MFHAS1: variants seen among roughly 807,000 people sequenced by gnomAD.
MFHAS1 encodes multifunctional ROCO family signaling regulator 1, also known as malignant fibrous histiocytoma-amplified sequence 1.
Under a neutral mutation model 70.4 loss-of-function variants are expected in MFHAS1, and 50 were observed. The observed-to-expected ratio is 0.71, with a 90% CI of 0.57 to 0.90. The LOEUF (loss-of-function observed/expected upper bound fraction) is 0.90. Ranked by LOEUF, MFHAS1 falls within the 40% of genes least tolerant of loss-of-function variation. The probability of loss-of-function intolerance (pLI) is 0.00; values close to 1 mark genes in which losing one functional copy is unlikely to be tolerated. For synonymous variants in MFHAS1, 952 were observed against 620.0 expected, an observed-to-expected ratio of 1.54 and a Z score of -7.96; for missense variants, 1,795 against 1,347.6, an observed-to-expected ratio of 1.33 and a Z score of -5.20.
At chr8:8,867,521 G>A (rs758724010) in intron 1 of MFHAS1, among the ~76,000 whole-genome samples, 4 of 151,172 alleles carry the variant, frequency 2.6e-5, no homozygotes, top group Admixed American at 6.6e-5. Flanking sequence ...ATTATTACAC[G>A]CCAATAAGCT....
chr8:8,789,679 C>A (rs1328678384), intron 2 of MFHAS1, among the ~76,000 whole-genome samples: 1 of 152,126 alleles, frequency 6.6e-6, no homozygotes. Context: ...AGGGACTGCC[C>A]CTCCTAGGAT....
At chr8:8,825,783 C>T (rs117689058) in intron 1 of MFHAS1, among the ~76,000 whole-genome samples, 1,670 of 152,264 alleles carry the variant, frequency 0.011, 35 homozygotes, top group Admixed American at 0.058. Flanking sequence ...AGAGGGAACA[C>T]AATTCAGCCA....
chr8:8,871,736 C>A (rs1303664902), intron 1 of MFHAS1, among the ~76,000 whole-genome samples: 1 of 152,222 alleles, frequency 6.6e-6, no homozygotes, highest in Non-Finnish European at 1.5e-5. Context: ...CCCCCGACTT[C>A]CTAATCCACT....
At chr8:8,876,999 A>C (rs535926918) in intron 1 of MFHAS1, among the ~76,000 whole-genome samples, 39 of 152,042 alleles carry the variant, frequency 2.6e-4, no homozygotes, top group South Asian at 1.2e-3. Flanking sequence ...AATGAAGTGC[A>C]TAAGACATGG....
At position 8,833,803 on chromosome 8, in the gene MFHAS1, T is replaced by C. The variant is rs147296632; in HGVS notation, c.2999-36312A>G. On this transcript the variant is annotated intron_variant, in intron 1 of 2. Transcript: ENST00000276282. ...CAAAAAAATGAGAAGAACCCAAATG[T>C]CCCATCAAATGAATGAACATACTGC... Among the ~76,000 whole-genome samples, 163 of 152,114 alleles carry C rather than the reference T, an allele frequency of 1.1e-3. 1 individual carries two copies. The highest frequency in any genetic ancestry group is 9.7e-3 in the East Asian group (50 of 5,178).
chr8:8,833,310 C>G (rs776515744), intron 1 of MFHAS1, among the ~76,000 whole-genome samples: 2 of 152,160 alleles, frequency 1.3e-5, no homozygotes, highest in Non-Finnish European at 1.5e-5. Flanking sequence ...TACAAACACT[C>G]TGGAAAAATT....
intron 1 of MFHAS1, among the ~76,000 whole-genome samples, chr8:8,862,280 AATG>A (rs1475002662): frequency 2.0e-5 from 3 of 152,118 alleles, no homozygotes; most frequent in Non-Finnish European, 4.4e-5. Context: ...TCTAATGATT[AATG>A]ATGTTGACAT....
chr8:8,887,144 C>A (rs113508829), intron 1 of MFHAS1, among the ~76,000 whole-genome samples: 35 of 151,894 alleles, frequency 2.3e-4, no homozygotes, highest in African/African-American at 8.2e-4. Flanking sequence ...AACAAACAAA[C>A]AAAAAAACAT....
chr8:8,801,033 G>C (rs1327640370), intron 1 of MFHAS1, among the ~76,000 whole-genome samples: 1 of 152,004 alleles, frequency 6.6e-6, no homozygotes, highest in Non-Finnish European at 1.5e-5. Flanking sequence ...GGCCAACATG[G>C]TAAAACCCCG....
chr8:8,865,838 G>A (rs1449927692), intron 1 of MFHAS1, among the ~76,000 whole-genome samples: 3 of 152,198 alleles, frequency 2.0e-5, no homozygotes, highest in Admixed American at 1.3e-4. Flanking sequence ...AAGCCTGGTT[G>A]ATGTAAAACA....
chr8:8,792,151 C>T (rs976315625), intron 2 of MFHAS1, among the ~76,000 whole-genome samples: 1 of 151,056 alleles, frequency 6.6e-6, no homozygotes, highest in African/African-American at 2.5e-5. Flanking sequence ...ACAGGAGAAT[C>T]ATTTGAACCC....
At chr8:8,882,941 T>G (rs1024718991) in intron 1 of MFHAS1, among the ~76,000 whole-genome samples, 4 of 152,004 alleles carry the variant, frequency 2.6e-5, no homozygotes, top group Admixed American at 6.5e-5. Context: ...TCATCTGAGG[T>G]CAGGAGTTTG....
At chr8:8,887,292 G>A (rs139398290) in intron 1 of MFHAS1, among the ~76,000 whole-genome samples, 19 of 152,024 alleles carry the variant, frequency 1.2e-4, no homozygotes, top group African/African-American at 3.4e-4. Context: ...CCCACATTTA[G>A]CTTTTATTTC....
chr8:8,838,484 CT>C (rs1363800000), intron 1 of MFHAS1, among the ~76,000 whole-genome samples: 2 of 152,198 alleles, frequency 1.3e-5, no homozygotes, highest in East Asian at 3.9e-4. Flanking sequence ...CTTCTTCCCC[CT>C]ATACCCCACA....
intron 1 of MFHAS1, among the ~76,000 whole-genome samples, chr8:8,844,754 C>A (rs578190742): frequency 6.6e-6 from 1 of 152,294 alleles, no homozygotes; most frequent in African/African-American, 2.4e-5. Context: ...CATTCCTCTT[C>A]CCCAACTTGA....
At position 8,801,362 on chromosome 8, in the gene MFHAS1, GA is replaced by G. The variant is rs141604564; in HGVS notation, c.2999-3872del. On this transcript the variant is annotated intron_variant, in intron 1 of 2. Transcript: ENST00000276282. ...ATCTCTAGCAGGACTGCCATCCATG[GA>G]AACAGAGCACGAAGGTGGAAGGCAC... Among the ~76,000 whole-genome samples the G allele has an allele frequency of 3.5e-3, 535 of 152,316 alleles. 14 individuals carry two copies. In the East Asian group the frequency reaches 0.067, roughly 19 times the overall value.
In MFHAS1 at chr8:8,785,378, A is replaced by C. The variant is rs1409885467; in HGVS notation, c.*644T>G. 1 of 59,026 alleles carries C rather than the reference A, an allele frequency of 1.7e-5. No homozygotes were observed. The highest frequency in any genetic ancestry group is 4.7e-5 in the African/African-American group (1 of 21,408). 3.7% of individuals were successfully genotyped at this position (59,026 alleles called of 1,614,324 possible). A position where few individuals can be genotyped will look rare whatever the true frequency, so the allele number is the denominator to read the frequency against. On this transcript the variant is annotated 3_prime_UTR_variant, in exon 3 of 3. Transcript: ENST00000276282. ...TGAACCAACACTTAATCCATGGGCT[A>C]ACAGAGAGATTTTTTTTTTAATGTG...
intron 1 of MFHAS1, among the ~76,000 whole-genome samples, chr8:8,829,988 C>T (rs187473084): frequency 2.0e-5 from 3 of 152,240 alleles, no homozygotes; most frequent in South Asian, 2.1e-4. Flanking sequence ...AGTGTGCCTG[C>T]TTCGGCAGGT....
Position 8,852,740 on chromosome 8 carries a change from C to T in MFHAS1, c.2998+37321G>A, listed in dbSNP as rs1808293820. Among the ~76,000 whole-genome samples the T allele has an allele frequency of 2.0e-5, 3 of 152,084 alleles. No homozygotes were observed. The South Asian group carries it at 6.2e-4, about 32-fold the overall frequency. ...AAAAAGCTTTCTATTTTTGCCTTCC[C>T]TAATAGGGCACAGCCAAGAGAAAGC... On this transcript the variant is annotated intron_variant, in intron 1 of 2. Coordinates refer to ENST00000276282, the MANE Select transcript of MFHAS1 (RefSeq NM_004225.3).
Sources: allele counts gnomAD v4.1 joint callset (sites outside exome capture counted in the v4.1 genomes callset), GRCh38; gene constraint gnomAD v4.1.1; transcripts MANE v1.5; gene names NCBI Gene and HGNC (gene_info 2026-07-23, HGNC 2026-07-21).